Variants in KCNIP4 observed in about 807,000 individuals in gnomAD.
The protein encoded by KCNIP4 is Kv channel-interacting protein 4.
A neutral mutation model predicts 34.0 loss-of-function variants in KCNIP4; 12 were observed. The ratio of observed to expected loss-of-function variants is 0.35; its 90% CI spans 0.23 to 0.57. The LOEUF is 0.57. Ranked by LOEUF, KCNIP4 falls within the 20% of genes least tolerant of loss-of-function variation. The pLI is 0.83. For synonymous variants in KCNIP4, 124 were observed against 102.2 expected (o/e 1.21, Z -1.29); for missense variants, 238 against 311.7 (o/e 0.76, Z 1.78).
At chr4:21,346,351 TGTAGCCAA>T (rs1158997240) in intron 1 of KCNIP4, among the ~76,000 whole-genome samples, 3 of 132,448 alleles carry the variant, frequency 2.3e-5, no homozygotes, top group Non-Finnish European at 4.8e-5. Context: ...ATAATAGCCT[TGTAGCCAA>T]GAATAAAGAG....
chr4:21,583,192 C>A (rs115381644), intron 1 of KCNIP4, among the ~76,000 whole-genome samples: 1 of 151,876 alleles, frequency 6.6e-6, no homozygotes, highest in Non-Finnish European at 1.5e-5. Context: ...GCATTATGAA[C>A]AATTTGTAAG....
intron 1 of KCNIP4, among the ~76,000 whole-genome samples, chr4:21,351,583 G>A (rs1472942163): frequency 1.3e-5 from 2 of 152,048 alleles, no homozygotes. Context: ...AGTTTCCATA[G>A]TCTCCATACC....
intron 1 of KCNIP4, among the ~76,000 whole-genome samples, chr4:21,681,386 C>T (rs984557588): frequency 7.2e-5 from 11 of 152,256 alleles, no homozygotes; most frequent in African/African-American, 2.4e-4. Flanking sequence ...GGATTACAGG[C>T]ATGAGCCACC....
At position 20,840,861 on chromosome 4, in the gene KCNIP4, A is replaced by G. The variant is rs568223073; in HGVS notation, c.288+9682T>C. On this transcript the variant is annotated intron_variant, in intron 3 of 8. Transcript: ENST00000382152. ...TCCGCTCAACTTTGAAATATGTTGC[A>G]AGAGTGAAAGGGATTTTTAAGCCAT... is the stretch of plus-strand genomic sequence containing the variant. 2.6e-5 allele frequency among the ~76,000 whole-genome samples: 4 copies of G among 152,324 alleles called. No individual in the cohort carries two copies. The South Asian group carries it at 8.3e-4, about 32-fold the overall frequency.
At chr4:21,614,283 G>T (rs1388162193) in intron 1 of KCNIP4, among the ~76,000 whole-genome samples, 13 of 151,886 alleles carry the variant, frequency 8.6e-5, no homozygotes, top group Non-Finnish European at 1.9e-4. Context: ...AGGGATGCAG[G>T]TGTTTAGGCA....
At chr4:21,541,180 C>CAAAAAAAAAAAAAAAAA (rs60459395) in intron 1 of KCNIP4, among the ~76,000 whole-genome samples, 22 of 107,442 alleles carry the variant, frequency 2.0e-4, no homozygotes, top group Admixed American at 3.3e-4. Context: ...CAAAAGAAAA[C>CAAAAAAAAAAAAAAAAA]AAAAAAAAAA....
chr4:21,714,951 T>C lies in KCNIP4; in HGVS notation c.61+233620A>G, dbSNP rs375400249. On this transcript the variant is annotated intron_variant, in intron 1 of 8. Coordinates refer to ENST00000382152, the MANE Select transcript of KCNIP4 (RefSeq NM_025221.6). ...TTTATTTTATTTTATTTTATTTTATTTTATTTTATTTTATTTTATTTTATT... is the reference window on the plus strand; with the variant it reads ...TTTATTTTATTTTATTTTATTTTATCTTATTTTATTTTATTTTATTTTATT... Among the ~76,000 whole-genome samples the C allele has an allele frequency of 8.7e-3, 2 of 230 alleles. 1 individual carries two copies. Among genetic ancestry groups the C allele is most frequent in the Non-Finnish European group, 0.013 (2 of 158 alleles). The allele number at this position is 230 out of a possible 152,430, so 0.2% of individuals were successfully genotyped here. A position where few individuals can be genotyped will look rare whatever the true frequency, so the allele number is the denominator to read the frequency against.
intron 1 of KCNIP4, among the ~76,000 whole-genome samples, chr4:21,344,935 A>G (rs1388101306): frequency 6.6e-6 from 1 of 152,170 alleles, no homozygotes; most frequent in Non-Finnish European, 1.5e-5. Context: ...TCTGGTGTCC[A>G]CTGCACCTAT....
intron 1 of KCNIP4, among the ~76,000 whole-genome samples, chr4:21,386,717 G>A (rs2109496718): frequency 6.6e-6 from 1 of 152,144 alleles, no homozygotes; most frequent in Non-Finnish European, 1.5e-5. Flanking sequence ...GTGAGGGAGG[G>A]GACACGACTA....
At chr4:20,937,222 C>CTTGTTTTTTTTTTTTTTTTTTTT (rs1731162582) in intron 1 of KCNIP4, among the ~76,000 whole-genome samples, 1 of 45,524 alleles carries the variant, frequency 2.2e-5, no homozygotes, top group Non-Finnish European at 4.3e-5. Flanking sequence ...CCCAAGGAGT[C>CTTGTTTTTTTTTTTTTTTTTTTT]TTTTTTTTTT....
intron 1 of KCNIP4, among the ~76,000 whole-genome samples, chr4:21,166,961 A>G (rs918476655): frequency 6.6e-6 from 1 of 150,962 alleles, no homozygotes; most frequent in African/African-American, 2.4e-5. Context: ...AAAAAAAAAA[A>G]AAAGAAGTGA....
intron 1 of KCNIP4, among the ~76,000 whole-genome samples, chr4:21,570,571 G>A (rs759310234): frequency 6.6e-6 from 1 of 152,118 alleles, no homozygotes; most frequent in Non-Finnish European, 1.5e-5. Context: ...CTGCATTCTG[G>A]ATAACTTGTG....
intron 3 of KCNIP4, among the ~76,000 whole-genome samples, chr4:20,843,205 G>A (rs1282726871): frequency 6.6e-6 from 1 of 152,080 alleles, no homozygotes; most frequent in Non-Finnish European, 1.5e-5. Context: ...ACCATGCCCA[G>A]CCTGGATTTC....
chr4:21,873,618 C>G (rs1331231891), intron 1 of KCNIP4, among the ~76,000 whole-genome samples: 1 of 152,146 alleles, frequency 6.6e-6, no homozygotes, highest in Non-Finnish European at 1.5e-5. Context: ...TGGACAAAAT[C>G]ATGAGACTAA....
intron 1 of KCNIP4, among the ~76,000 whole-genome samples, chr4:21,319,048 G>A (rs1410925701): frequency 2.0e-5 from 3 of 152,182 alleles, no homozygotes; most frequent in African/African-American, 7.2e-5. Context: ...AATTTAAAGA[G>A]AGAACTTATG....
rs377584762 is a variant in KCNIP4, at chr4:20,760,318, A to T, written c.289-1428T>A. 4.6e-5 allele frequency among the ~76,000 whole-genome samples: 7 copies of T among 152,320 alleles called. No individual in the cohort carries two copies. In the East Asian group the frequency reaches 9.7e-4, roughly 21 times the overall value. On this transcript the variant is annotated intron_variant, in intron 3 of 8. Coordinates refer to ENST00000382152, the MANE Select transcript of KCNIP4 (RefSeq NM_025221.6). ...CTAACTCCCCAACAGACCTGACTTT[A>T]GACATGAATATTCTGTGTACTCTAA...
At chr4:21,433,807 C>T (rs1874340) in intron 1 of KCNIP4, among the ~76,000 whole-genome samples, 43,527 of 152,028 alleles carry the variant, frequency 0.29, 7,149 homozygotes, top group Non-Finnish European at 0.38. Context: ...CACACTTTCC[C>T]GATATTCTGC....
intron 1 of KCNIP4, among the ~76,000 whole-genome samples, chr4:21,922,378 AC>A (rs1578146725): frequency 1.3e-5 from 2 of 152,276 alleles, no homozygotes; most frequent in East Asian, 3.9e-4. Flanking sequence ...GACACAATAC[AC>A]ATGCCCAGTA....
chr4:21,563,612 G>C (rs961821134), intron 1 of KCNIP4, among the ~76,000 whole-genome samples: 2 of 152,030 alleles, frequency 1.3e-5, no homozygotes, highest in Admixed American at 1.3e-4. Flanking sequence ...TCAATATATA[G>C]ATAATTTAGA....
Sources: allele counts gnomAD v4.1 joint callset (sites outside exome capture counted in the v4.1 genomes callset), GRCh38; gene constraint gnomAD v4.1.1; transcripts MANE v1.5; gene names NCBI Gene and HGNC (gene_info 2026-07-23, HGNC 2026-07-21).